Variants in RNF220 observed in about 807,000 individuals in gnomAD.
The protein encoded by RNF220 is ring finger protein 220.
RNF220 carries 7 observed loss-of-function variants against 67.1 expected under a neutral mutation model. The observed-to-expected ratio is 0.10, with a 90% CI of 0.06 to 0.20. The LOEUF (loss-of-function observed/expected upper bound fraction) is 0.20. Among genes scored for constraint, RNF220 ranks in the 10% least tolerant of loss-of-function variants. RNF220 has a pLI of 1.00. For synonymous variants in RNF220, 270 were observed against 283.2 expected (o/e 0.95, Z 0.47); for missense variants, 565 against 740.3 (o/e 0.76, Z 2.75).
At position 44,649,825 on chromosome 1, in the gene RNF220, G is replaced by T. The variant is rs1364738837; in HGVS notation, c.1554+56G>T. ...GGTCAGGCTTCCACGCCCTCTGGGGGAGTTGGAGAGGGTGGGCCTACCTCA... is the reference window on the plus strand; with the variant it reads ...GGTCAGGCTTCCACGCCCTCTGGGGTAGTTGGAGAGGGTGGGCCTACCTCA... On this transcript the variant is annotated intron_variant, in intron 13 of 14. Transcript: ENST00000361799. The surrounding 1 kb of genome is among the most constrained non-coding windows in gnomAD (Gnocchi z 5.9). 3.7e-6 allele frequency: 6 copies of T among 1,613,140 alleles called. No individual in the cohort carries two copies. In the Admixed American group the frequency reaches 6.7e-5, roughly 18 times the overall value.
chr1:44,636,904 G>A (rs1394270131), intron 8 of RNF220, among the ~76,000 whole-genome samples: 1 of 152,232 alleles, frequency 6.6e-6, no homozygotes, highest in Non-Finnish European at 1.5e-5. Context: ...AATTGGTTGG[G>A]TGCCCAGGGT....
chr1:44,488,754 G>A (rs545702157), intron 2 of RNF220, among the ~76,000 whole-genome samples: 3 of 130,234 alleles, frequency 2.3e-5, no homozygotes, highest in African/African-American at 9.0e-5. Flanking sequence ...TTTTTGAGAC[G>A]GAGTCTCACT....
intron 2 of RNF220, among the ~76,000 whole-genome samples, chr1:44,537,170 TAC>T (rs148666302): frequency 1.3e-5 from 2 of 151,590 alleles, no homozygotes; most frequent in South Asian, 2.1e-4. Flanking sequence ...ACCCCCTGCA[TAC>T]ACACACACAC....
At position 44,584,661 on chromosome 1, in the gene RNF220, C is replaced by T. The variant is rs1665563192; in HGVS notation, c.626-29504C>T. ...ATTGCTCCCCAAGCTTGTCTTGGCACAGCCAGAAGTAACATTTCTTTTTGT... is the reference window on the plus strand; with the variant it reads ...ATTGCTCCCCAAGCTTGTCTTGGCATAGCCAGAAGTAACATTTCTTTTTGT... On this transcript the variant is annotated intron_variant, in intron 2 of 14. Coordinates refer to ENST00000361799, the MANE Select transcript of RNF220 (RefSeq NM_018150.4). 9.2e-5 allele frequency among the ~76,000 whole-genome samples: 14 copies of T among 152,316 alleles called. No individual in the cohort carries two copies. The South Asian group carries it at 2.9e-3, about 32-fold the overall frequency.
intron 2 of RNF220, among the ~76,000 whole-genome samples, chr1:44,478,416 C>A (rs561462904): frequency 1.2e-4 from 17 of 136,016 alleles, no homozygotes; most frequent in Non-Finnish European, 2.4e-4. Flanking sequence ...TAAATTATTC[C>A]ATTCAAAAAA....
chr1:44,511,092 A>C (rs893227992), intron 2 of RNF220, among the ~76,000 whole-genome samples: 24 of 152,074 alleles, frequency 1.6e-4, no homozygotes, highest in Admixed American at 9.2e-4. Context: ...CTTTCTCCTT[A>C]TTTTTCAAAG....
At chr1:44,488,027 T>C (rs1572654732) in intron 2 of RNF220, among the ~76,000 whole-genome samples, 1 of 150,890 alleles carries the variant, frequency 6.6e-6, no homozygotes. Flanking sequence ...TGGAGTGCAG[T>C]GGCATGATCA....
rs903336968 is a variant in RNF220, at chr1:44,564,407, G to A, written c.626-49758G>A. On this transcript the variant is annotated intron_variant, in intron 2 of 14. Coordinates refer to ENST00000361799, the MANE Select transcript of RNF220 (RefSeq NM_018150.4). The stretch of plus-strand genomic sequence containing the variant: ...TATAATTGATCTCAGCATGGCCCAG[G>A]AATCAGCATTTTTAAAGCACCCCAG... Among the ~76,000 whole-genome samples, 4 of 152,112 alleles carry A rather than the reference G, an allele frequency of 2.6e-5. No individual in the cohort carries two copies. In the East Asian group the frequency reaches 7.7e-4, roughly 29 times the overall value.
At chr1:44,579,284 C>G (rs1292693032) in intron 2 of RNF220, among the ~76,000 whole-genome samples, 1 of 152,098 alleles carries the variant, frequency 6.6e-6, no homozygotes, top group Non-Finnish European at 1.5e-5. Flanking sequence ...TGACCAAGAC[C>G]ACACAGTCAC....
At chr1:44,635,075 GC>G (rs201070640) in intron 6 of RNF220, among the ~76,000 whole-genome samples, 1 of 152,268 alleles carries the variant, frequency 6.6e-6, no homozygotes, top group South Asian at 2.1e-4. Context: ...AGGGCTCTTG[GC>G]CCAGGAACCA....
intron 2 of RNF220, among the ~76,000 whole-genome samples, chr1:44,605,401 C>T (rs755507784): frequency 2.0e-5 from 3 of 152,114 alleles, no homozygotes; most frequent in Non-Finnish European, 4.4e-5. Context: ...CCCATGGCAT[C>T]TCCCAGCTGG....
chr1:44,424,854 G>A lies in RNF220; in HGVS notation c.625+12132G>A, dbSNP rs550230496. 2.6e-5 allele frequency among the ~76,000 whole-genome samples: 4 copies of A among 152,370 alleles called. No homozygotes were observed. The East Asian group carries it at 7.7e-4, about 29-fold the overall frequency. ...GCTTGGCCAGATGTGAGGGAGGCCG[G>A]TGTGCGCTGCGGTGCCCCTTGGGCT... On this transcript the variant is annotated intron_variant, in intron 2 of 14. Coordinates refer to ENST00000361799, the MANE Select transcript of RNF220 (RefSeq NM_018150.4).
At chr1:44,593,360 T>A (rs543938190) in intron 2 of RNF220, among the ~76,000 whole-genome samples, 2 of 152,312 alleles carry the variant, frequency 1.3e-5, no homozygotes, top group East Asian at 3.9e-4. Flanking sequence ...CAACATGACC[T>A]CAGGCAACTT....
At chr1:44,434,714 TAAA>T (rs56088540) in intron 2 of RNF220, among the ~76,000 whole-genome samples, 1 of 142,862 alleles carries the variant, frequency 7.0e-6, no homozygotes, top group Non-Finnish European at 1.5e-5. Context: ...GAGACTCTCT[TAAA>T]AAAAAAAAAA....
At chr1:44,552,508 G>GACAAACA (rs1388392573) in intron 2 of RNF220, among the ~76,000 whole-genome samples, 2 of 136,368 alleles carry the variant, frequency 1.5e-5, no homozygotes, top group Admixed American at 1.5e-4. Flanking sequence ...AAAACAAACA[G>GACAAACA]ACAAACAACA....
intron 2 of RNF220, among the ~76,000 whole-genome samples, chr1:44,559,278 C>A (rs1389148597): frequency 6.6e-6 from 1 of 152,226 alleles, no homozygotes; most frequent in Non-Finnish European, 1.5e-5. Flanking sequence ...CACACTGCCA[C>A]GCTGTTCTGT....
chr1:44,626,193 C>T, intron 4 of RNF220, 104 bp from the exon 5 acceptor site: 1 of 797,230 alleles, frequency 1.3e-6, no homozygotes, highest in Non-Finnish European at 2.1e-6. Flanking sequence ...CCTCAGCCTC[C>T]TTCTCTTTGC....
chr1:44,567,688 C>T (rs1664125777), intron 2 of RNF220, among the ~76,000 whole-genome samples: 1 of 152,160 alleles, frequency 6.6e-6, no homozygotes, highest in South Asian at 2.1e-4. Context: ...TAGCCTCACA[C>T]AGCATAAGTC....
intron 2 of RNF220, among the ~76,000 whole-genome samples, chr1:44,585,172 G>C (rs1665606515): frequency 6.6e-6 from 1 of 152,146 alleles, no homozygotes; most frequent in Non-Finnish European, 1.5e-5. Context: ...GTTTCCTCTA[G>C]TGCCTCTCGT....
Sources: allele counts gnomAD v4.1 joint callset (sites outside exome capture counted in the v4.1 genomes callset), GRCh38; gene constraint gnomAD v4.1.1; non-coding constraint Gnocchi (gnomAD v3.1); transcripts MANE v1.5; gene names NCBI Gene and HGNC (gene_info 2026-07-23, HGNC 2026-07-21).